Variants in ARHGAP6 observed in about 807,000 individuals in gnomAD.
The protein encoded by ARHGAP6 is Rho GTPase activating protein 6, also known as rho GTPase-activating protein 6.
A neutral mutation model predicts 55.7 loss-of-function variants in ARHGAP6; 16 were observed. That is an observed-to-expected ratio of 0.29 (90% confidence interval 0.19 to 0.44). ARHGAP6 has a LOEUF of 0.44. Ranked by LOEUF, ARHGAP6 falls within the 20% of genes least tolerant of loss-of-function variation. The pLI is 1.00. For missense variants in ARHGAP6, 698 were observed against 808.9 expected, an observed-to-expected ratio of 0.86 and a Z score of 1.66; for synonymous variants, 382 against 360.9, an observed-to-expected ratio of 1.06 and a Z score of -0.66.
chrX:11,497,600 G>A (rs1222107123), intron 1 of ARHGAP6, among the ~76,000 whole-genome samples: 1 of 65,694 alleles, frequency 1.5e-5, no homozygotes, highest in Non-Finnish European at 2.9e-5. Context: ...TGCCATGTGA[G>A]GACACAATAA....
intron 1 of ARHGAP6, among the ~76,000 whole-genome samples, chrX:11,361,550 C>G (rs1430637282): frequency 9.1e-6 from 1 of 109,836 alleles, no homozygotes; most frequent in Non-Finnish European, 1.9e-5. Flanking sequence ...CCATAAAAAC[C>G]CTAGAAGAAA....
chrX:11,197,391 C>T (rs937243386), intron 2 of ARHGAP6, among the ~76,000 whole-genome samples: 3 of 112,176 alleles, frequency 2.7e-5, no homozygotes, highest in East Asian at 2.8e-4. Flanking sequence ...TTGACATTTA[C>T]GAGCTAGGAG....
At chrX:11,655,430 A>G (rs2052627302) in intron 1 of ARHGAP6, among the ~76,000 whole-genome samples, 1 of 112,022 alleles carries the variant, frequency 8.9e-6, no homozygotes, top group Non-Finnish European at 1.9e-5. Flanking sequence ...CTCTGGAGTA[A>G]CTGTTTTATT....
intron 1 of ARHGAP6, among the ~76,000 whole-genome samples, chrX:11,387,705 T>G (rs887972783): frequency 9.0e-6 from 1 of 110,681 alleles, no homozygotes; most frequent in Non-Finnish European, 1.9e-5. Context: ...CCTCCCCGCT[T>G]CCCCCACCCC....
At chrX:11,346,955 A>AAACC (rs1480443454) in intron 1 of ARHGAP6, among the ~76,000 whole-genome samples, 1 of 109,751 alleles carries the variant, frequency 9.1e-6, no homozygotes, top group Non-Finnish European at 1.9e-5. Context: ...ACAAACAAAC[A>AAACC]AACTAGTGTG....
chrX:11,284,232 C>T (rs1333230504), intron 1 of ARHGAP6, among the ~76,000 whole-genome samples: 1 of 111,658 alleles, frequency 9.0e-6, no homozygotes, highest in Admixed American at 9.5e-5. Flanking sequence ...GATTGCTGGG[C>T]CCTACCCCAA....
intron 1 of ARHGAP6, among the ~76,000 whole-genome samples, chrX:11,391,674 T>C (rs1175398554): frequency 8.9e-6 from 1 of 112,323 alleles, no homozygotes; most frequent in Non-Finnish European, 1.9e-5. Context: ...AGCTTTCTTT[T>C]TCTTTTTTAA....
rs1364152871 is a variant in ARHGAP6 at position 11,416,108 on chromosome X, G to A, written c.589-161401C>T. Among the ~76,000 whole-genome samples, 3 of 110,994 alleles carry A rather than the reference G, an allele frequency of 2.7e-5. No homozygotes were observed. The Admixed American group carries it at 2.9e-4, about 11-fold the overall frequency. On this transcript the variant is annotated intron_variant, in intron 1 of 12. Transcript: ENST00000337414. ...CTATATTTCATTCCTTTCTAATGACGCCTTAAATAAAAATGTGCCCTCCCC... is the reference window on the plus strand; with the variant it reads ...CTATATTTCATTCCTTTCTAATGACACCTTAAATAAAAATGTGCCCTCCCC...
intron 1 of ARHGAP6, among the ~76,000 whole-genome samples, chrX:11,271,255 C>T (rs1319020554): frequency 1.8e-5 from 2 of 111,878 alleles, no homozygotes; most frequent in Admixed American, 1.9e-4. Context: ...TCACCTCAAA[C>T]TGAAGAACCC....
At chrX:11,458,147 A>G (rs1318673328) in intron 1 of ARHGAP6, among the ~76,000 whole-genome samples, 3 of 112,581 alleles carry the variant, frequency 2.7e-5, no homozygotes, top group Non-Finnish European at 5.6e-5. Context: ...TCAGAGTTAT[A>G]TGATGGTCCA....
chrX:11,371,919 T>C (rs1406998595), intron 1 of ARHGAP6, among the ~76,000 whole-genome samples: 2 of 112,535 alleles, frequency 1.8e-5, no homozygotes, highest in Non-Finnish European at 3.8e-5. Context: ...AGATTTAATG[T>C]ATCTCATAAG....
At chrX:11,653,266 T>C (rs1054167657) in intron 1 of ARHGAP6, among the ~76,000 whole-genome samples, 8 of 112,578 alleles carry the variant, frequency 7.1e-5, no homozygotes, top group Non-Finnish European at 1.3e-4. Flanking sequence ...TTGGCATGTC[T>C]TGGGTTACAC....
intron 2 of ARHGAP6, among the ~76,000 whole-genome samples, chrX:11,228,143 GT>G (rs1443843427): frequency 9.0e-6 from 1 of 111,582 alleles, no homozygotes; most frequent in East Asian, 2.8e-4. Flanking sequence ...ACCACGTTAT[GT>G]GGACTATTAG....
chrX:11,380,913 A>G (rs748652952), intron 1 of ARHGAP6, among the ~76,000 whole-genome samples: 1 of 112,381 alleles, frequency 8.9e-6, no homozygotes, highest in Admixed American at 9.4e-5. Context: ...ATTGAGAACT[A>G]CTGGCTTAAA....
intron 1 of ARHGAP6, among the ~76,000 whole-genome samples, chrX:11,452,129 A>T (rs946734866): frequency 8.9e-6 from 1 of 112,217 alleles, no homozygotes; most frequent in Admixed American, 9.4e-5. Context: ...TAGGTACATG[A>T]TAAATGAGAA....
chrX:11,656,165 G>A (rs990960668), intron 1 of ARHGAP6, among the ~76,000 whole-genome samples: 27 of 112,417 alleles, frequency 2.4e-4, no homozygotes, highest in African/African-American at 8.7e-4. Context: ...CCAAAGTCCA[G>A]CGAGACTTAT....
chrX:11,271,064 T>G (rs1356112105), intron 1 of ARHGAP6, among the ~76,000 whole-genome samples: 1 of 111,958 alleles, frequency 8.9e-6, no homozygotes, highest in Non-Finnish European at 1.9e-5. Context: ...GTTGGATGCT[T>G]CAGGTTTCTT....
At chrX:11,553,336 G>GTTGAGGTTGATC (rs1156966936) in intron 1 of ARHGAP6, among the ~76,000 whole-genome samples, 7 of 109,940 alleles carry the variant, frequency 6.4e-5, no homozygotes, top group African/African-American at 2.3e-4. Context: ...CAACCTCCTG[G>GTTGAGGTTGATC]GCTCAAGCGA....
At chrX:11,307,150 T>C (rs2048246720) in intron 1 of ARHGAP6, among the ~76,000 whole-genome samples, 1 of 111,110 alleles carries the variant, frequency 9.0e-6, no homozygotes, top group South Asian at 4.0e-4. Context: ...GAAATAATCA[T>C]GTGTTTTAGG....
Sources: allele counts gnomAD v4.1 joint callset (sites outside exome capture counted in the v4.1 genomes callset), GRCh38; gene constraint gnomAD v4.1.1; transcripts MANE v1.5; gene names NCBI Gene and HGNC (gene_info 2026-07-23, HGNC 2026-07-21).